Variants in NAV1 observed in about 807,000 individuals in gnomAD.
The protein encoded by NAV1 is neuron navigator 1, also known as pore membrane and/or filament interacting like protein 3.
Under a neutral mutation model 175.2 loss-of-function variants are expected in NAV1, and 18 were observed. The ratio of observed to expected loss-of-function variants is 0.10; its 90% confidence interval spans 0.07 to 0.15. NAV1 has a LOEUF of 0.15. Among genes scored for constraint, NAV1 ranks in the 10% least tolerant of loss-of-function variants. NAV1 has a pLI of 1.00. For missense variants in NAV1, 1,731 were observed against 2,436.6 expected (o/e 0.71, Z 6.10); for synonymous variants, 897 against 978.7 (o/e 0.92, Z 1.56).
intron 3 of NAV1, among the ~76,000 whole-genome samples, chr1:201,743,454 A>G (rs933713985): frequency 5.9e-5 from 9 of 152,214 alleles, no homozygotes; most frequent in Non-Finnish European, 1.0e-4. Flanking sequence ...CCTTACAGAG[A>G]TTGCATAGCC....
chr1:201,754,354 A>G (rs983095111), intron 3 of NAV1, among the ~76,000 whole-genome samples: 3 of 152,252 alleles, frequency 2.0e-5, no homozygotes, highest in African/African-American at 7.2e-5. Flanking sequence ...AATCTGGATA[A>G]GCAGGAACAG....
chr1:201,712,525 A>G (rs1336341669), intron 1 of NAV1, among the ~76,000 whole-genome samples: 2 of 152,140 alleles, frequency 1.3e-5, no homozygotes, highest in Non-Finnish European at 2.9e-5. Flanking sequence ...CCCCAAAACA[A>G]AGCCAGAGGT....
rs1673332184 is a variant in NAV1 at position 201,740,297 on chromosome 1, T to G, written c.1226+21542T>G. On this transcript the variant is annotated intron_variant, in intron 3 of 29. Coordinates refer to ENST00000367296, the Ensembl canonical transcript of NAV1. This position sits in a 1 kb window ranked among gnomAD's most constrained non-coding sequence, Gnocchi z 4.7. ...GCCTCCGAGCTCCTGGACGTTTGGC[T>G]TACGGGCATCTGGGGCTGGGAGTGG... Among the ~76,000 whole-genome samples, 1 of 152,204 alleles carries G rather than the reference T, an allele frequency of 6.6e-6. No individual in the cohort carries two copies. The highest frequency in any genetic ancestry group is 1.5e-5 in the Non-Finnish European group (1 of 68,030).
In NAV1 at chr1:201,808,999, A is replaced by G; in HGVS notation, c.4207+128A>G. ...AAGCCAAGCAGATGCCAGTGTCCTA[A>G]GACACTGAGTTGTAATGGTCCTTCA... On this transcript the variant is annotated intron_variant, in intron 20 of 29. Coordinates refer to ENST00000367296, the Ensembl canonical transcript of NAV1. This position sits in a 1 kb window ranked among gnomAD's most constrained non-coding sequence, Gnocchi z 5.5. 3 of 1,307,762 alleles carry G rather than the reference A, an allele frequency of 2.3e-6. No homozygotes were observed. Among genetic ancestry groups the G allele is most frequent in the Non-Finnish European group, 3.2e-6 (3 of 930,330 alleles). 81.0% of individuals were successfully genotyped at this position (1,307,762 alleles called of 1,614,324 possible). A position where few individuals can be genotyped will look rare whatever the true frequency, so the allele number is the denominator to read the frequency against.
intron 13 of NAV1, chr1:201,791,431 A>T (rs1677108205): frequency 6.6e-6 from 1 of 152,258 alleles, no homozygotes; most frequent in African/African-American, 2.4e-5. Flanking sequence ...ACCCTGTGAC[A>T]TGGGGAGAAA....
intron 1 of NAV1, among the ~76,000 whole-genome samples, chr1:201,585,307 T>A (rs1041499322): frequency 1.9e-4 from 29 of 151,984 alleles, no homozygotes; most frequent in African/African-American, 6.5e-4. Flanking sequence ...GAGAATACGA[T>A]GATGGGGGAG....
At position 201,616,183 on chromosome 1, in the gene NAV1, G is replaced by A. The variant is rs147257452; in HGVS notation, c.-32-6670G>A. ...ACAGAGGAGAGAACTCAGAGGTTCC[G>A]CAATTTGCCTTAGGTCACACCACCA... On this transcript the variant is annotated intron_variant, in intron 2 of 33. Transcript: ENST00000685211. Among the ~76,000 whole-genome samples the A allele has an allele frequency of 4.3e-3, 648 of 152,174 alleles. 4 individuals carry two copies. Among genetic ancestry groups the A allele is most frequent in the African/African-American group, 0.014 (588 of 41,512 alleles).
chr1:201,586,317 G>C (rs1186010048), intron 1 of NAV1, among the ~76,000 whole-genome samples: 1 of 151,930 alleles, frequency 6.6e-6, no homozygotes, highest in East Asian at 1.9e-4. Context: ...GAGAAATGGA[G>C]AGTTATTTTT....
At chr1:201,821,555 ACCTGGG>A (rs1165014313) in exon 30 of NAV1, 1 of 136,288 alleles carries the variant, frequency 7.3e-6, no homozygotes, top group African/African-American at 2.8e-5. Context: ...CACACACAAG[ACCTGGG>A]CCCTTAAGTT....
At chr1:201,688,233 T>C (rs902694552) in intron 1 of NAV1, 2 of 152,294 alleles carry the variant, frequency 1.3e-5, no homozygotes, top group African/African-American at 4.8e-5. Flanking sequence ...CCTGGGCTCC[T>C]TGGTGGGGTG....
intron 1 of NAV1, among the ~76,000 whole-genome samples, chr1:201,628,138 C>CAA (rs5780079): frequency 3.1e-5 from 3 of 95,836 alleles, no homozygotes; most frequent in Non-Finnish European, 4.6e-5. Context: ...GACCCTGTGT[C>CAA]AAAAAAAAAA....
exon 13 of NAV1, chr1:201,790,748 G>C (rs375324456): frequency 1.2e-6 from 2 of 1,614,124 alleles, no homozygotes; most frequent in Non-Finnish European, 1.7e-6. Context: ...CCACCTTGAC[G>C]TCTCAGCTTT....
At chr1:201,706,948 C>T (rs1199278869) in intron 1 of NAV1, among the ~76,000 whole-genome samples, 2 of 152,174 alleles carry the variant, frequency 1.3e-5, no homozygotes, top group East Asian at 3.9e-4. Flanking sequence ...CGGTTGAAGG[C>T]TCTCCACCTA....
intron 1 of NAV1, chr1:201,674,082 G>A (rs187964948): frequency 1.3e-5 from 2 of 152,220 alleles, no homozygotes; most frequent in East Asian, 2.0e-4. Context: ...AGGTGTCCAG[G>A]TGCCCAGATG....
At chr1:201,737,069 C>T (rs1304052881) in intron 3 of NAV1, among the ~76,000 whole-genome samples, 1 of 152,116 alleles carries the variant, frequency 6.6e-6, no homozygotes, top group Non-Finnish European at 1.5e-5. Context: ...AAGGTCAGGG[C>T]CCCTTCAAGC....
chr1:201,805,737 A>C lies in NAV1; in HGVS notation c.3648+1240A>C, dbSNP rs184668816. Among the ~76,000 whole-genome samples the C allele has an allele frequency of 2.0e-5, 3 of 152,166 alleles. No individual in the cohort carries two copies. In the East Asian group the frequency reaches 5.8e-4, roughly 30 times the overall value. On this transcript the variant is annotated intron_variant, in intron 17 of 29. Transcript: ENST00000367296. ...CAGGAGTTCAAGATCAGCCTGGGCAACATAGTGAAATCCTGCCTCTACTAA... is the reference window on the plus strand; with the variant it reads ...CAGGAGTTCAAGATCAGCCTGGGCACCATAGTGAAATCCTGCCTCTACTAA...
At chr1:201,642,557 T>TTTCTTCCTTCCTTCCTTCCTTTC (rs1571858664) in intron 2 of NAV1, among the ~76,000 whole-genome samples, 3 of 106,018 alleles carry the variant, frequency 2.8e-5, no homozygotes, top group African/African-American at 1.3e-4. Context: ...TTCTTTCTTT[T>TTTCTTCCTTCCTTCCTTCCTTTC]TTCCCTTTCT....
rs1558131768 is a variant in NAV1 at position 201,756,866 on chromosome 1, TTCTTTCTTTCTTTCTTTCTCTG to T, written c.1227-23547_1227-23526del. Among the ~76,000 whole-genome samples, 18 of 103,656 alleles carry T rather than the reference TTCTTTCTTTCTTTCTTTCTCTG, an allele frequency of 1.7e-4. 1 individual carries two copies. The highest frequency in any genetic ancestry group is 5.8e-4 in the African/African-American group (15 of 25,930). 68.0% of individuals were successfully genotyped at this position (103,656 alleles called of 152,430 possible). ...TTTCTTTCTTTCTTTCTTTCTTTCT[TTCTTTCTTTCTTTCTTTCTCTG>T]TCTTTCTCCCCACTACTTTGGCTTT... On this transcript the variant is annotated intron_variant, in intron 3 of 29. Transcript: ENST00000367296.
In NAV1 at chr1:201,571,857, CA is replaced by C. The variant is rs546334038; in HGVS notation, c.-143-16681del. 3.9e-3 allele frequency among the ~76,000 whole-genome samples: 593 copies of C among 152,332 alleles called. 1 individual carries two copies. Among genetic ancestry groups the C allele is most frequent in the Non-Finnish European group, 6.9e-3 (467 of 68,034 alleles). On this transcript the variant is annotated intron_variant, in intron 1 of 33. Transcript: ENST00000685211. ...ATGTTCTTGGCAAAATTGTTTATCA[CA>C]GGGGAAGGGCACAAACAATTTGAGT...
Sources: gnomAD v4.1 joint callset for allele counts (sites outside exome capture counted in the v4.1 genomes callset) on GRCh38, gnomAD v4.1.1 for gene constraint, Gnocchi (gnomAD v3.1) non-coding constraint, MANE v1.5 for transcripts, NCBI Gene and HGNC (gene_info 2026-07-23, HGNC 2026-07-21) for gene names.